The following TCF12 variants were observed in gnomAD, a reference collection of about 807,000 sequenced individuals.
TCF12 encodes DNA-binding protein HTF4.
In TCF12, 45 loss-of-function variants were observed where a neutral mutation model predicts 86.0. The ratio of observed to expected loss-of-function variants is 0.52; its 90% CI spans 0.41 to 0.67. TCF12 has a LOEUF of 0.67. Among genes scored for constraint, TCF12 ranks in the 30% least tolerant of loss-of-function variants. TCF12 has a pLI of 0.00. For missense variants in TCF12, 881 were observed against 859.9 expected, an observed-to-expected ratio of 1.02 and a Z score of -0.31; for synonymous variants, 330 against 299.6, an observed-to-expected ratio of 1.10 and a Z score of -1.05.
chr15:57,096,482 C>T (rs1001317168), intron 5 of TCF12, among the ~76,000 whole-genome samples: 3 of 151,978 alleles, frequency 2.0e-5, no homozygotes, highest in Admixed American at 1.3e-4. Context: ...CCCTTAGTAT[C>T]TGTGAGGGAT....
At chr15:56,981,530 G>C (rs982365556) in intron 3 of TCF12, among the ~76,000 whole-genome samples, 1 of 152,088 alleles carries the variant, frequency 6.6e-6, no homozygotes, top group Non-Finnish European at 1.5e-5. Flanking sequence ...TGTGGCATTG[G>C]GGATTAAGTT....
At chr15:57,242,337 C>A (rs1342964129) in intron 12 of TCF12, among the ~76,000 whole-genome samples, 4 of 152,080 alleles carry the variant, frequency 2.6e-5, no homozygotes, top group African/African-American at 7.2e-5. Flanking sequence ...ATAGGATTGT[C>A]CAAGAAGAGA....
chr15:57,114,495 A>G (rs1424995638), intron 5 of TCF12, among the ~76,000 whole-genome samples: 1 of 151,988 alleles, frequency 6.6e-6, no homozygotes, highest in African/African-American at 2.4e-5. Context: ...ATGGGGTCTC[A>G]GTTTGTTGCC....
intron 7 of TCF12, 85 bp from the exon 8 acceptor site, chr15:57,197,687 TA>T: frequency 1.3e-6 from 2 of 1,485,394 alleles, no homozygotes; most frequent in Non-Finnish European, 1.9e-6. Flanking sequence ...AGAAAGACGC[TA>T]GGGGAAAAGT....
rs57645813 is a variant in TCF12 at position 57,222,758 on chromosome 15, ATTTTTTTTTTTTTTTTTT to A, written c.580-8375_580-8358del. Among the ~76,000 whole-genome samples the A allele has an allele frequency of 7.9e-3, 361 of 45,554 alleles. 2 individuals carry two copies. Among genetic ancestry groups the A allele is most frequent in the African/African-American group, 0.032 (321 of 9,970 alleles). The allele number at this position is 45,554 out of a possible 152,430, so 29.9% of individuals were successfully genotyped here. The stretch of plus-strand genomic sequence containing the variant: ...GTTTTGGGGGAAAAAAAGGACTGCC[ATTTTTTTTTTTTTTTTTT>A]TTTTTTTTTTTTTTTTTTACTTTTA... On this transcript the variant is annotated intron_variant, in intron 8 of 20. Transcript: ENST00000333725.
At chr15:57,097,228 A>G (rs189946569) in intron 5 of TCF12, among the ~76,000 whole-genome samples, 2 of 152,326 alleles carry the variant, frequency 1.3e-5, no homozygotes, top group East Asian at 3.9e-4. Flanking sequence ...AAAGGGTAAT[A>G]CAACCCTGCC....
intron 3 of TCF12, among the ~76,000 whole-genome samples, chr15:56,989,252 T>G (rs1399499214): frequency 6.6e-6 from 1 of 152,140 alleles, no homozygotes; most frequent in African/African-American, 2.4e-5. Context: ...TTTTAAATGG[T>G]TATAGTTTAA....
At chr15:57,245,658 A>G (rs534956104) in intron 13 of TCF12, among the ~76,000 whole-genome samples, 1 of 152,260 alleles carries the variant, frequency 6.6e-6, no homozygotes, top group Non-Finnish European at 1.5e-5. Flanking sequence ...AGATTTAGAC[A>G]TTTTCCAAAA....
intron 5 of TCF12, among the ~76,000 whole-genome samples, chr15:57,162,524 T>C (rs192454553): frequency 7.9e-5 from 12 of 152,312 alleles, no homozygotes; most frequent in Admixed American, 3.3e-4. Context: ...CAAAATCTTA[T>C]TTGAATAGAT....
chr15:57,217,601 A>G (rs1483324510), intron 8 of TCF12, among the ~76,000 whole-genome samples: 1 of 152,170 alleles, frequency 6.6e-6, no homozygotes, highest in East Asian at 1.9e-4. Context: ...ATGATTATAA[A>G]AATGTTGAAG....
intron 4 of TCF12, among the ~76,000 whole-genome samples, chr15:57,081,864 C>G (rs1460094351): frequency 1.3e-5 from 2 of 152,092 alleles, no homozygotes; most frequent in Admixed American, 6.5e-5. Context: ...CCACTGCACC[C>G]GGCCCATGCT....
At chr15:56,975,587 AAAAAT>A (rs2062555622) in intron 3 of TCF12, among the ~76,000 whole-genome samples, 1 of 152,206 alleles carries the variant, frequency 6.6e-6, no homozygotes, top group South Asian at 2.1e-4. Flanking sequence ...GAATATGTTA[AAAAAT>A]AAAATATGCC....
chr15:56,945,339 A>C (rs570134153), intron 3 of TCF12, among the ~76,000 whole-genome samples: 19 of 152,154 alleles, frequency 1.2e-4, no homozygotes, highest in South Asian at 4.1e-4. Flanking sequence ...TTCAATTTCC[A>C]GTGTTCTTCA....
At chr15:56,987,166 C>A (rs1230348261) in intron 3 of TCF12, among the ~76,000 whole-genome samples, 1 of 151,888 alleles carries the variant, frequency 6.6e-6, no homozygotes. Flanking sequence ...GCCTGGAGTT[C>A]AGTGGCGCAA....
At chr15:57,255,402 T>C (rs2060301295) in intron 16 of TCF12, among the ~76,000 whole-genome samples, 1 of 152,158 alleles carries the variant, frequency 6.6e-6, no homozygotes. Flanking sequence ...AAGTAGCTCC[T>C]ACTATATGCT....
rs148116006 is a variant in TCF12 at position 57,158,375 on chromosome 15, T to C, written c.326-8027T>C. Among the ~76,000 whole-genome samples, 103 of 152,064 alleles carry C rather than the reference T, an allele frequency of 6.8e-4. 1 individual carries two copies. Among genetic ancestry groups the C allele is most frequent in the African/African-American group, 2.3e-3 (96 of 41,472 alleles). ...TTGTATTTTTTGTAGAGTTGGGTTT[T>C]TGCCATGTTGCCCAGGCTGGTCTCG... On this transcript the variant is annotated intron_variant, in intron 5 of 20. Transcript: ENST00000333725.
At chr15:57,244,007 T>C (rs1372723451) in intron 13 of TCF12, among the ~76,000 whole-genome samples, 1 of 151,972 alleles carries the variant, frequency 6.6e-6, no homozygotes, top group East Asian at 1.9e-4. Flanking sequence ...GCCTCCTGAG[T>C]AACTGGGAAT....
chr15:57,212,104 A>G (rs930814217), intron 8 of TCF12, among the ~76,000 whole-genome samples: 4 of 152,174 alleles, frequency 2.6e-5, no homozygotes, highest in Non-Finnish European at 5.9e-5. Context: ...ATACATCAGA[A>G]AAACCTAACA....
chr15:56,919,979 C>G lies in TCF12; in HGVS notation c.66C>G (p.Asp22Glu), dbSNP rs775553149. 1 of 1,614,036 alleles carries G rather than the reference C, an allele frequency of 6.2e-7. No individual in the cohort carries two copies. The highest frequency in any genetic ancestry group is 1.7e-5 in the Admixed American group (1 of 60,016). The part of the protein sequence containing the change: ...GTDKELSDLL[D>E]FSAMFSPPVN... ...ACAAGGAGCTGAGCGACCTACTGGA[C>G]TTCAGTGCGGTATGAGAGCTTTCCA... Residue 22 changes from aspartate (D) to glutamate (E), a missense_variant, in exon 2 of 21, where the codon GAC becomes GAG. Transcript: ENST00000333725.
Sources: allele counts gnomAD v4.1 joint callset (sites outside exome capture counted in the v4.1 genomes callset), GRCh38; gene constraint gnomAD v4.1.1; transcripts MANE v1.5; gene names NCBI Gene and HGNC (gene_info 2026-07-23, HGNC 2026-07-21).